The following SIM2 variants were observed in gnomAD, a reference collection of about 807,000 sequenced individuals.
SIM2 encodes the protein single-minded homolog 2.
In SIM2, 28 loss-of-function variants were observed where a neutral mutation model predicts 64.8. That is an observed-to-expected ratio of 0.43 (90% CI 0.32 to 0.59). The LOEUF (loss-of-function observed/expected upper bound fraction) is 0.59. Ranked by LOEUF, SIM2 falls within the 20% of genes least tolerant of loss-of-function variation. The probability of loss-of-function intolerance (pLI) is 0.07; values close to 1 mark genes in which losing one functional copy is unlikely to be tolerated. For synonymous variants in SIM2, 408 were observed against 391.1 expected, an observed-to-expected ratio of 1.04 and a Z score of -0.51; for missense variants, 847 against 871.4, an observed-to-expected ratio of 0.97 and a Z score of 0.35.
chr21:36,716,130 G>A (rs1353301421), intron 3 of SIM2, among the ~76,000 whole-genome samples: 2 of 152,196 alleles, frequency 1.3e-5, no homozygotes, highest in African/African-American at 4.8e-5. Flanking sequence ...ACGTGGATGA[G>A]GTAGAGTTGG....
chr21:36,706,353 G>A (rs1308115509), intron 1 of SIM2, among the ~76,000 whole-genome samples: 1 of 152,020 alleles, frequency 6.6e-6, no homozygotes, highest in Admixed American at 6.5e-5. Flanking sequence ...GGTGCAGGGA[G>A]CTCCCCTCCC....
chr21:36,728,642 A>C (rs1335101895), intron 6 of SIM2, among the ~76,000 whole-genome samples: 2 of 152,226 alleles, frequency 1.3e-5, no homozygotes, highest in African/African-American at 4.8e-5. Context: ...GGAGGGGCTG[A>C]AAGGGGTCAG....
At chr21:36,711,574 G>GA (rs1470017141) in intron 2 of SIM2, among the ~76,000 whole-genome samples, 5 of 152,160 alleles carry the variant, frequency 3.3e-5, no homozygotes, top group African/African-American at 1.2e-4. Context: ...GGGTGGCTTA[G>GA]AAAAACCAAA....
chr21:36,718,770 T>C (rs1420810140), intron 3 of SIM2, among the ~76,000 whole-genome samples: 3 of 152,130 alleles, frequency 2.0e-5, no homozygotes, highest in African/African-American at 7.2e-5. Flanking sequence ...AAAAATAGGA[T>C]CCACCCACCA....
chr21:36,743,441 G>C lies in SIM2; in HGVS notation c.1053G>C (p.Lys351Asn), dbSNP rs968039267. The C allele has an allele frequency of 3.7e-6, 6 of 1,614,022 alleles. No homozygotes were observed. Among genetic ancestry groups the C allele is most frequent in the Non-Finnish European group, 5.1e-6 (6 of 1,180,016 alleles). ...CCCTGGAGCAGGTGTCCACTGCCAAGTCCCAGGACTCCTGGAGGACCGCCT... is the reference window on the plus strand; with the variant it reads ...CCCTGGAGCAGGTGTCCACTGCCAACTCCCAGGACTCCTGGAGGACCGCCT... ...QLSLEQVSTA[K>N]SQDSWRTALS... The change falls in exon 9 of 11, where the codon AAG becomes AAC. Residue 351 changes from lysine to asparagine, a missense_variant. Coordinates refer to ENST00000290399, the MANE Select transcript of SIM2 (RefSeq NM_005069.6).
chr21:36,731,139 G>A lies in SIM2; in HGVS notation c.838G>A (p.Ala280Thr), dbSNP rs1357031105. The A allele has an allele frequency of 8.7e-6, 14 of 1,613,000 alleles. No individual in the cohort carries two copies. Among genetic ancestry groups the A allele is most frequent in the East Asian group, 4.5e-5 (2 of 44,886 alleles). Reference protein sequence around the residue: ...HGCDVFHLRYAHHLLLVKGQV... With the variant: ...HGCDVFHLRYTHHLLLVKGQV... ...CTGCGACGTGTTCCACCTCCGCTAC[G>A]CACACCACCTCCGTGAGTAGCACGC... Residue 280 changes from alanine to threonine, a missense_variant, in exon 7 of 11, where the codon GCA becomes ACA. Physicochemically the swap from Ala to Thr is moderately conservative, Grantham distance 58. This residue lies in a region of SIM2 where 397 missense variants were observed against 439.2 expected (regional missense o/e 0.90). Coordinates refer to ENST00000290399, the MANE Select transcript of SIM2 (RefSeq NM_005069.6).
chr21:36,720,770 T>C (rs2246739), intron 4 of SIM2, among the ~76,000 whole-genome samples: 71,002 of 152,088 alleles, frequency 0.47, 17,454 homozygotes, highest in African/African-American at 0.62. Context: ...ATTTCAATTG[T>C]GATGAGTGCT....
At chr21:36,715,294 G>C (rs1022207243) in intron 3 of SIM2, among the ~76,000 whole-genome samples, 5 of 152,080 alleles carry the variant, frequency 3.3e-5, no homozygotes, top group African/African-American at 1.2e-4. Flanking sequence ...ATTTTTTTCT[G>C]TCTTCTTTAC....
At chr21:36,729,853 C>A (rs370189484) in intron 6 of SIM2, among the ~76,000 whole-genome samples, 4 of 152,166 alleles carry the variant, frequency 2.6e-5, no homozygotes, top group Non-Finnish European at 5.9e-5. Flanking sequence ...GATCCTGATG[C>A]GGGTGATGAT....
At chr21:36,731,449 G>A (rs1267521033) in intron 7 of SIM2, among the ~76,000 whole-genome samples, 6 of 152,210 alleles carry the variant, frequency 3.9e-5, no homozygotes, top group Non-Finnish European at 5.9e-5. Context: ...GACACCATTT[G>A]CGAATAACAG....
At chr21:36,718,472 AG>A (rs1381711910) in intron 3 of SIM2, among the ~76,000 whole-genome samples, 1 of 152,176 alleles carries the variant, frequency 6.6e-6, no homozygotes, top group Non-Finnish European at 1.5e-5. Flanking sequence ...AAAAATAACA[AG>A]GGGGTGGCTC....
intron 7 of SIM2, among the ~76,000 whole-genome samples, chr21:36,740,480 G>C (rs9977504): frequency 0.3 from 44,973 of 152,024 alleles, 8,226 homozygotes; most frequent in Non-Finnish European, 0.42. Context: ...TAGGGTCTTT[G>C]TGTTTTTATC....
intron 5 of SIM2, among the ~76,000 whole-genome samples, chr21:36,724,949 G>T: frequency 6.6e-6 from 1 of 152,070 alleles, no homozygotes; most frequent in East Asian, 1.9e-4. Context: ...TATAGCAATT[G>T]GAAGGGCTTC....
Position 36,744,877 on chromosome 21 carries a change from C to T in SIM2, c.1317C>T (p.Pro439=). ...DLLYTPSYSL[P]FSYHYGHFPL... The stretch of plus-strand genomic sequence containing the variant: ...TGTACACGCCATCCTACAGCCTGCC[C>T]TTCTCCTACCATTACGGACACTTCC... Residue 439 remains proline (P), a synonymous_variant, in exon 10 of 11, where the codon CCC becomes CCT. Coordinates refer to ENST00000290399, the MANE Select transcript of SIM2 (RefSeq NM_005069.6). The T allele has an allele frequency of 6.2e-7, 1 of 1,614,260 alleles. No individual in the cohort carries two copies. Among genetic ancestry groups the T allele is most frequent in the Non-Finnish European group, 8.5e-7 (1 of 1,180,046 alleles).
intron 8 of SIM2, among the ~76,000 whole-genome samples, chr21:36,742,285 G>C (rs2089171950): frequency 6.6e-6 from 1 of 152,016 alleles, no homozygotes; most frequent in African/African-American, 2.4e-5. Flanking sequence ...CCTGCTGTTT[G>C]AGACAGGAAA....
Position 36,699,859 on chromosome 21 carries a change from A to C in SIM2, c.113A>C (p.Asp38Ala), listed in dbSNP as rs535903610. 1 of 1,609,882 alleles carries C rather than the reference A, an allele frequency of 6.2e-7. No individual in the cohort carries two copies. Among genetic ancestry groups the C allele is most frequent in the African/African-American group, 1.3e-5 (1 of 74,896 alleles). The change falls in exon 1 of 11, where the codon GAC becomes GCC. Residue 38 changes from aspartate (D) to alanine (A), a missense_variant. This residue lies in a region of SIM2 where 397 missense variants were observed against 439.2 expected (regional missense o/e 0.90). Transcript: ENST00000290399. The surrounding 1 kb of genome is among the most constrained non-coding windows in gnomAD (Gnocchi z 5.6). The stretch of plus-strand genomic sequence containing the variant: ...CCGTCGGCCATCACTTCGCAGCTGG[A>C]CAAAGCGTCCATCATCCGCCTCACC... ...PLPSAITSQL[D>A]KASIIRLTTS...
chr21:36,735,662 T>C (rs111707354), intron 7 of SIM2, among the ~76,000 whole-genome samples: 2 of 152,184 alleles, frequency 1.3e-5, no homozygotes, highest in African/African-American at 4.8e-5. Flanking sequence ...TGCTTTTGTC[T>C]TGTGGTGTTT....
Position 36,745,019 on chromosome 21 carries a change from G to A in SIM2, c.1459G>A (p.Gly487Ser), listed in dbSNP as rs201708628. The change falls in exon 10 of 11, where the codon GGT becomes AGT. Residue 487 changes from glycine to serine, a missense_variant. Transcript: ENST00000290399. The surrounding 1 kb of genome is among the most constrained non-coding windows in gnomAD (Gnocchi z 4.8). ...RFFLSTLPAS[G>S]ECQWHYANPL... ...TTTCCTGAGCACACTGCCAGCCAGC[G>A]GTGAATGCCAGTGGCATTATGCCAA... 6.9e-5 allele frequency: 111 copies of A among 1,614,208 alleles called. No individual in the cohort carries two copies. The highest frequency in any genetic ancestry group is 2.2e-4 in the Admixed American group (13 of 60,032).
At position 36,721,571 on chromosome 21, in the gene SIM2, G is replaced by C. The variant is rs148804239; in HGVS notation, c.458-1474G>C. ...TCTCCTGCCTCAGCCCTCCCAAGTA[G>C]CTGGGATTACAGGTGCCTGCCACCA... On this transcript the variant is annotated intron_variant, in intron 4 of 10. Transcript: ENST00000290399. Among the ~76,000 whole-genome samples, 495 of 152,118 alleles carry C rather than the reference G, an allele frequency of 3.3e-3. 4 individuals carry two copies. Among genetic ancestry groups the C allele is most frequent in the African/African-American group, 0.012 (478 of 41,464 alleles).
Sources: gnomAD v4.1 joint callset for allele counts (sites outside exome capture counted in the v4.1 genomes callset) on GRCh38, gnomAD v4.1.1 for gene constraint, gnomAD v4.1.1 regional missense constraint, Gnocchi (gnomAD v3.1) non-coding constraint, MANE v1.5 for transcripts, NCBI Gene and HGNC (gene_info 2026-07-23, HGNC 2026-07-21) for gene names.